The following ATG10 variants were observed in gnomAD, a reference collection of about 807,000 sequenced individuals.
ATG10 encodes the protein ubiquitin-like-conjugating enzyme ATG10.
Under a neutral mutation model 32.1 loss-of-function variants are expected in ATG10, and 30 were observed. The ratio of observed to expected loss-of-function variants is 0.94; its 90% CI spans 0.70 to 1.27. The LOEUF (loss-of-function observed/expected upper bound fraction) is 1.27. Among genes scored for constraint, ATG10 ranks in the 50% most tolerant of loss-of-function variants. ATG10 has a pLI of 0.00. For missense variants in ATG10, 233 were observed against 262.3 expected, an observed-to-expected ratio of 0.89 and a Z score of 0.77; for synonymous variants, 87 against 91.5, an observed-to-expected ratio of 0.95 and a Z score of 0.28.
intron 3 of ATG10, among the ~76,000 whole-genome samples, chr5:82,122,556 CA>C: frequency 6.6e-6 from 1 of 152,186 alleles, no homozygotes; most frequent in Non-Finnish European, 1.5e-5. Flanking sequence ...AAACTATCAA[CA>C]GAGTAAACAG....
At chr5:81,976,601 C>T (rs758479778) in intron 1 of ATG10, among the ~76,000 whole-genome samples, 3 of 152,210 alleles carry the variant, frequency 2.0e-5, no homozygotes, top group African/African-American at 4.8e-5. Flanking sequence ...AGTAAGGCTA[C>T]TCCACTTTGA....
chr5:82,064,181 C>A (rs547503534), intron 3 of ATG10, among the ~76,000 whole-genome samples: 22 of 152,186 alleles, frequency 1.4e-4, no homozygotes, highest in Non-Finnish European at 2.5e-4. Flanking sequence ...CTGCATAAAA[C>A]AACATTATTT....
chr5:82,254,021 CAGTT>C (rs1339564208), intron 7 of ATG10, 43 bp from the exon 8 acceptor site: 4 of 152,246 alleles, frequency 2.6e-5, no homozygotes, highest in Non-Finnish European at 4.4e-5. Context: ...CTTTACTGCT[CAGTT>C]ATTTTTCTTT....
chr5:82,029,411 C>T (rs1762683767), intron 2 of ATG10, among the ~76,000 whole-genome samples: 1 of 152,170 alleles, frequency 6.6e-6, no homozygotes, highest in African/African-American at 2.4e-5. Context: ...ATATGAATTT[C>T]TATGTATGTC....
At chr5:82,115,057 A>C (rs1765751040) in intron 3 of ATG10, among the ~76,000 whole-genome samples, 1 of 152,106 alleles carries the variant, frequency 6.6e-6, no homozygotes, top group Non-Finnish European at 1.5e-5. Flanking sequence ...TATATTGAAA[A>C]GCACAGTTTT....
chr5:82,169,216 A>C (rs1743708186), intron 4 of ATG10, among the ~76,000 whole-genome samples: 1 of 152,092 alleles, frequency 6.6e-6, no homozygotes, highest in African/African-American at 2.4e-5. Flanking sequence ...AGAAAAAGTG[A>C]AAGAGTTTGA....
intron 3 of ATG10, among the ~76,000 whole-genome samples, chr5:82,138,876 C>CCCCTCT (rs745369347): frequency 7.0e-5 from 5 of 71,528 alleles, no homozygotes; most frequent in South Asian, 1.3e-3. Context: ...CCTCCCCCTC[C>CCCCTCT]CCCTCTCCCT....
At chr5:82,203,071 T>C (rs1331313606) in intron 5 of ATG10, among the ~76,000 whole-genome samples, 1 of 151,870 alleles carries the variant, frequency 6.6e-6, no homozygotes, top group Non-Finnish European at 1.5e-5. Flanking sequence ...CTACTAAAAA[T>C]ACAAAAATTA....
chr5:82,043,917 A>T (rs570603948), intron 2 of ATG10, among the ~76,000 whole-genome samples: 1 of 152,046 alleles, frequency 6.6e-6, no homozygotes, highest in Admixed American at 6.6e-5. Context: ...ACATCTTCCT[A>T]TCTTCTTCTG....
chr5:82,157,108 C>A (rs1430261196), intron 3 of ATG10, among the ~76,000 whole-genome samples: 3 of 152,166 alleles, frequency 2.0e-5, no homozygotes, highest in Non-Finnish European at 4.4e-5. Context: ...AGCATGCCTG[C>A]CTGGAGAAGA....
At chr5:82,081,023 CCT>C (rs1448603845) in intron 3 of ATG10, among the ~76,000 whole-genome samples, 1 of 152,116 alleles carries the variant, frequency 6.6e-6, no homozygotes, top group Non-Finnish European at 1.5e-5. Context: ...TTGTTTGTGT[CCT>C]CTCTTACTTC....
chr5:82,058,728 A>G, intron 3 of ATG10, 126 bp downstream of exon 3: 1 of 576,036 alleles, frequency 1.7e-6, no homozygotes, highest in Non-Finnish European at 3.1e-6. Context: ...ACTCATATTG[A>G]AATAAAATAC....
intron 3 of ATG10, among the ~76,000 whole-genome samples, chr5:82,098,186 A>G (rs1010218844): frequency 6.6e-6 from 1 of 152,160 alleles, no homozygotes; most frequent in Admixed American, 6.5e-5. Context: ...GGAATGAAAC[A>G]TTTAAGTCTT....
chr5:82,115,061 C>T (rs1765751360), intron 3 of ATG10, among the ~76,000 whole-genome samples: 2 of 151,978 alleles, frequency 1.3e-5, no homozygotes, highest in Admixed American at 6.6e-5. Flanking sequence ...TTGAAAAGCA[C>T]AGTTTTAGAG....
At chr5:82,183,025 A>T (rs1744295374) in intron 5 of ATG10, among the ~76,000 whole-genome samples, 1 of 152,080 alleles carries the variant, frequency 6.6e-6, no homozygotes, top group South Asian at 2.1e-4. Flanking sequence ...GATTACAGGC[A>T]TGAATCACTG....
intron 3 of ATG10, among the ~76,000 whole-genome samples, chr5:82,071,601 C>A (rs2149768521): frequency 6.6e-6 from 1 of 152,096 alleles, no homozygotes; most frequent in African/African-American, 2.4e-5. Flanking sequence ...TGTATTATAC[C>A]TTGGGTCCTT....
intron 3 of ATG10, among the ~76,000 whole-genome samples, chr5:82,153,002 A>C (rs1767665758): frequency 6.6e-6 from 1 of 152,230 alleles, no homozygotes; most frequent in African/African-American, 2.4e-5. Flanking sequence ...GTAAGTGAAT[A>C]AGACAGGCAA....
At chr5:82,069,327 C>T (rs1386657612) in intron 3 of ATG10, among the ~76,000 whole-genome samples, 2 of 152,084 alleles carry the variant, frequency 1.3e-5, no homozygotes, top group African/African-American at 4.8e-5. Context: ...TGGGTAAAGA[C>T]TAACCATTGC....
At chr5:82,031,983 C>T (rs7728113) in intron 2 of ATG10, among the ~76,000 whole-genome samples, 6,592 of 152,312 alleles carry the variant, frequency 0.043, 478 homozygotes, top group African/African-American at 0.15. Context: ...TTTGCCTACG[C>T]TGGCAGGGCT....
Sources: gnomAD v4.1 joint callset for allele counts (sites outside exome capture counted in the v4.1 genomes callset) on GRCh38, gnomAD v4.1.1 for gene constraint, MANE v1.5 for transcripts, NCBI Gene and HGNC (gene_info 2026-07-23, HGNC 2026-07-21) for gene names.